The following UBE2G2 variants were observed in gnomAD, a reference collection of about 807,000 sequenced individuals.
UBE2G2 encodes ubiquitin-conjugating enzyme E2 G2.
In UBE2G2, 10 loss-of-function variants were observed where a neutral mutation model predicts 23.0. The ratio of observed to expected loss-of-function variants is 0.43; its 90% confidence interval spans 0.27 to 0.74. UBE2G2 has a LOEUF of 0.74. Ranked by LOEUF, UBE2G2 falls within the 30% of genes least tolerant of loss-of-function variation. The probability of loss-of-function intolerance (pLI) is 0.19; values close to 1 mark genes in which losing one functional copy is unlikely to be tolerated. For synonymous variants in UBE2G2, 86 were observed against 81.3 expected (o/e 1.06, Z -0.31); for missense variants, 150 against 218.3 (o/e 0.69, Z 1.97).
intron 5 of UBE2G2, among the ~76,000 whole-genome samples, chr21:44,773,333 T>C (rs1327049050): frequency 6.6e-6 from 1 of 152,196 alleles, no homozygotes; most frequent in Non-Finnish European, 1.5e-5. Flanking sequence ...GACCAGTTAA[T>C]TATGGCCGAC....
intron 3 of UBE2G2, among the ~76,000 whole-genome samples, chr21:44,787,092 C>A (rs1256504545): frequency 1.9e-4 from 27 of 141,160 alleles, no homozygotes; most frequent in African/African-American, 1.6e-4. Flanking sequence ...AACTCCATCT[C>A]AAAAAAAAAA....
At chr21:44,793,253 A>G (rs1423017365) in intron 1 of UBE2G2, among the ~76,000 whole-genome samples, 1 of 152,244 alleles carries the variant, frequency 6.6e-6, no homozygotes, top group Admixed American at 6.5e-5. Flanking sequence ...TGGCAGCAGA[A>G]CACACAAAAG....
chr21:44,799,587 A>AT, intron 1 of UBE2G2, among the ~76,000 whole-genome samples: 1 of 152,214 alleles, frequency 6.6e-6, no homozygotes, highest in South Asian at 2.1e-4. Context: ...ATAAAACTGA[A>AT]GAGTTAGGAC....
At chr21:44,786,644 C>T (rs1309395202) in intron 3 of UBE2G2, among the ~76,000 whole-genome samples, 3 of 152,158 alleles carry the variant, frequency 2.0e-5, no homozygotes, top group African/African-American at 7.2e-5. Flanking sequence ...TGGCGAATTC[C>T]AAAAGCATCA....
chr21:44,781,349 G>C (rs1258817146), intron 3 of UBE2G2, among the ~76,000 whole-genome samples: 1 of 152,140 alleles, frequency 6.6e-6, no homozygotes, highest in Non-Finnish European at 1.5e-5. Flanking sequence ...TCTGAGCTTG[G>C]GTGCGTCTCC....
Position 44,801,631 on chromosome 21 carries a change from C to T in UBE2G2, c.43+75G>A, listed in dbSNP as rs1601204719. 4.1e-6 allele frequency: 6 copies of T among 1,474,844 alleles called. No homozygotes were observed. The East Asian group carries it at 1.8e-4, about 44-fold the overall frequency. 91.4% of individuals were successfully genotyped at this position (1,474,844 alleles called of 1,614,324 possible). ...CGGCTCCCCCGCCAGGCTCCCTGCCCCAGCCCCGCCGGACGACGCGGGCCC... is the reference window on the plus strand; with the variant it reads ...CGGCTCCCCCGCCAGGCTCCCTGCCTCAGCCCCGCCGGACGACGCGGGCCC... On this transcript the variant is annotated intron_variant, in intron 1 of 5. Coordinates refer to ENST00000345496, the MANE Select transcript of UBE2G2 (RefSeq NM_003343.6).
chr21:44,801,776 C>G lies in UBE2G2; in HGVS notation c.-28G>C, dbSNP rs782094670. The G allele has an allele frequency of 4.0e-6, 6 of 1,508,910 alleles. No homozygotes were observed. The highest frequency in any genetic ancestry group is 5.3e-6 in the Non-Finnish European group (6 of 1,131,774). 93.5% of individuals were successfully genotyped at this position (1,508,910 alleles called of 1,614,324 possible). A position where few individuals can be genotyped will look rare whatever the true frequency, so the allele number is the denominator to read the frequency against. ...CCCCGCAACAGCTGCGCCGAGCGAC[C>G]TCGCCTCAGCCGCGCGCGTGCCTCC... On this transcript the variant is annotated 5_prime_UTR_variant, in exon 1 of 6. Transcript: ENST00000345496.
chr21:44,777,177 T>C (rs1304930634), intron 4 of UBE2G2, 122 bp downstream of exon 4: 5 of 845,082 alleles, frequency 5.9e-6, no homozygotes, highest in Non-Finnish European at 9.4e-6. Flanking sequence ...TTTCAAAACA[T>C]AAGAAGTGTT....
At chr21:44,790,665 C>T (rs1227866113) in intron 1 of UBE2G2, among the ~76,000 whole-genome samples, 1 of 152,186 alleles carries the variant, frequency 6.6e-6, no homozygotes. Context: ...TCCCCTTCGG[C>T]TTCTGTCATG....
chr21:44,768,647 G>A lies in UBE2G2; in HGVS notation c.*2730C>T, dbSNP rs1282068395. ...ACAAGACGCAGAGGCAGGTCTCATC[G>A]CAACCAACCGTGACCACAGAGGACC... On this transcript the variant is annotated 3_prime_UTR_variant, in exon 6 of 6. Coordinates refer to ENST00000345496, the MANE Select transcript of UBE2G2 (RefSeq NM_003343.6). The A allele has an allele frequency of 1.3e-5, 2 of 152,214 alleles. No homozygotes were observed. Among genetic ancestry groups the A allele is most frequent in the South Asian group, 4.1e-4 (2 of 4,834 alleles). The allele number at this position is 152,214 out of a possible 1,614,324, so 9.4% of individuals were successfully genotyped here.
At chr21:44,797,658 T>TGAGTCAAG (rs55638426) in intron 1 of UBE2G2, among the ~76,000 whole-genome samples, 18,755 of 131,602 alleles carry the variant, frequency 0.14, 1,360 homozygotes, top group Middle Eastern at 0.32. Flanking sequence ...GAGCCTGCAG[T>TGAGTCAAG]GAGTCAAGAT....
chr21:44,771,576 G>GA lies in UBE2G2; in HGVS notation c.386-88_386-87insT. The GA allele has an allele frequency of 7.3e-7, 1 of 1,374,580 alleles. No individual in the cohort carries two copies. The highest frequency in any genetic ancestry group is 2.3e-5 in the East Asian group (1 of 43,720). 85.1% of individuals were successfully genotyped at this position (1,374,580 alleles called of 1,614,324 possible). A position where few individuals can be genotyped will look rare whatever the true frequency, so the allele number is the denominator to read the frequency against. ...GGTCTCCCATTTATTTAAAACACTG[G>GA]CGGGGGCTTTCAAGAGCTGTGTCCC... On this transcript the variant is annotated intron_variant, in intron 5 of 5. Coordinates refer to ENST00000345496, the MANE Select transcript of UBE2G2 (RefSeq NM_003343.6). The surrounding 1 kb of genome is among the most constrained non-coding windows in gnomAD (Gnocchi z 4.6).
At chr21:44,798,513 T>C (rs1223976048) in intron 1 of UBE2G2, among the ~76,000 whole-genome samples, 1 of 152,274 alleles carries the variant, frequency 6.6e-6, no homozygotes, top group Non-Finnish European at 1.5e-5. Flanking sequence ...CAACTAAATT[T>C]ATGGAATAGT....
At position 44,787,634 on chromosome 21, in the gene UBE2G2, A is replaced by G. The variant is rs575333892; in HGVS notation, c.125+286T>C. ...ATTTGAGGTTATTTTAACCACGATC[A>G]TACAACATTCCAAAATTACCACCTT... On this transcript the variant is annotated intron_variant, in intron 3 of 5. Coordinates refer to ENST00000345496, the MANE Select transcript of UBE2G2 (RefSeq NM_003343.6). 6.6e-5 allele frequency among the ~76,000 whole-genome samples: 10 copies of G among 152,362 alleles called. No individual in the cohort carries two copies. In the East Asian group the frequency reaches 1.9e-3, roughly 29 times the overall value.
chr21:44,780,713 C>T (rs2838682), intron 3 of UBE2G2, among the ~76,000 whole-genome samples: 16,313 of 152,194 alleles, frequency 0.11, 922 homozygotes, highest in African/African-American at 0.13. Context: ...AGCAATTCTC[C>T]CTCCTCACAA....
intron 1 of UBE2G2, among the ~76,000 whole-genome samples, chr21:44,793,166 C>A (rs235270): frequency 0.78 from 118,479 of 152,166 alleles, 46,725 homozygotes; most frequent in African/African-American, 0.91. Context: ...TAACAGATTA[C>A]GGCAGATAGA....
chr21:44,782,171 T>C (rs1350597978), intron 3 of UBE2G2, among the ~76,000 whole-genome samples: 2 of 152,332 alleles, frequency 1.3e-5, no homozygotes, highest in African/African-American at 4.8e-5. Flanking sequence ...AATCACCTCC[T>C]TGAGGTAACC....
At chr21:44,798,923 T>C (rs1315987980) in intron 1 of UBE2G2, among the ~76,000 whole-genome samples, 1 of 152,198 alleles carries the variant, frequency 6.6e-6, no homozygotes, top group Non-Finnish European at 1.5e-5. Context: ...CCTTATGAAA[T>C]GTATTTCTTA....
In UBE2G2 at chr21:44,801,706, G is replaced by T; in HGVS notation, c.43C>A (p.Gln15Lys). ...TGACGGCCCGGGTCCCCAGACTCACGTTTGTACTCGGCCATCAGCCTCTTG... is the reference window on the plus strand; with the variant it reads ...TGACGGCCCGGGTCCCCAGACTCACTTTTGTACTCGGCCATCAGCCTCTTG... Reference protein sequence around the residue: ...ALKRLMAEYKQLTLNPPEGIV... With the variant: ...ALKRLMAEYKKLTLNPPEGIV... The change falls in exon 1 of 6, where the codon CAA (glutamine) becomes AAA (lysine). Residue 15 changes from glutamine (Q) to lysine (K), a missense_variant and splice_region_variant. By Grantham distance (53) the Gln-to-Lys change is moderately conservative. Transcript: ENST00000345496. The T allele has an allele frequency of 2.0e-6, 3 of 1,520,374 alleles. No individual in the cohort carries two copies. The highest frequency in any genetic ancestry group is 2.6e-6 in the Non-Finnish European group (3 of 1,135,896). 94.2% of individuals were successfully genotyped at this position (1,520,374 alleles called of 1,614,324 possible). A position where few individuals can be genotyped will look rare whatever the true frequency, so the allele number is the denominator to read the frequency against.
Sources: allele counts gnomAD v4.1 joint callset (sites outside exome capture counted in the v4.1 genomes callset), GRCh38; gene constraint gnomAD v4.1.1; non-coding constraint Gnocchi (gnomAD v3.1); transcripts MANE v1.5; gene names NCBI Gene and HGNC (gene_info 2026-07-23, HGNC 2026-07-21).